The following MT1B variants were observed in gnomAD, a reference collection of about 807,000 sequenced individuals.
MT1B encodes metallothionein 1B.
Under a neutral mutation model 7.9 loss-of-function variants are expected in MT1B, and 4 were observed. The observed-to-expected ratio is 0.51, with a 90% CI of 0.25 to 1.16. The LOEUF is 1.16. Ranked by LOEUF, MT1B falls within the 50% of genes most tolerant of loss-of-function variation. The pLI is 0.15. For missense variants in MT1B, 76 were observed against 75.2 expected (o/e 1.01, Z -0.04); for synonymous variants, 22 against 27.6 (o/e 0.80, Z 0.63).
Position 56,651,949 on chromosome 16 carries a change from T to C in MT1B, c.-5T>C, listed in dbSNP as rs535551187. The C allele has an allele frequency of 1.5e-5, 25 of 1,614,202 alleles. No homozygotes were observed. In the South Asian group the frequency reaches 2.7e-4, roughly 18 times the overall value. On this transcript the variant is annotated 5_prime_UTR_variant, in exon 1 of 3. Transcript: ENST00000334346. Reference sequence around the variant, plus strand: ...CTAGGAACTCCAGGCTTGTCTTGGCTCCAAATGGATCCCAACTGCTCCTGC... The same window carrying C: ...CTAGGAACTCCAGGCTTGTCTTGGCCCCAAATGGATCCCAACTGCTCCTGC...
chr16:56,653,144 G>T lies in MT1B; in HGVS notation c.*79G>T. On this transcript the variant is annotated 3_prime_UTR_variant, in exon 3 of 3. Coordinates refer to ENST00000334346, the MANE Select transcript of MT1B (RefSeq NM_005947.3). ...ATTTTTTTTTTTAACTACCCTGACC[G>T]GTTTGCTACATTCTTTTTTCTATTC... 1.5e-6 allele frequency: 2 copies of T among 1,325,058 alleles called. No homozygotes were observed. The highest frequency in any genetic ancestry group is 2.1e-6 in the Non-Finnish European group (2 of 936,714). 82.1% of individuals were successfully genotyped at this position (1,325,058 alleles called of 1,614,324 possible). A position where few individuals can be genotyped will look rare whatever the true frequency, so the allele number is the denominator to read the frequency against.
Position 56,652,853 on chromosome 16 carries a change from G to A in MT1B, c.95-121G>A, listed in dbSNP as rs1006690949. The stretch of plus-strand genomic sequence containing the variant: ...TCAAATGTACCATCAGAACACAGCT[G>A]TGCCAGCCTAAAAATGCATCCTCTG... On this transcript the variant is annotated intron_variant, in intron 2 of 2. Coordinates refer to ENST00000334346, the MANE Select transcript of MT1B (RefSeq NM_005947.3). The A allele has an allele frequency of 8.7e-6, 11 of 1,261,038 alleles. No homozygotes were observed. In the South Asian group the frequency reaches 1.2e-4, roughly 14 times the overall value. The allele number at this position is 1,261,038 out of a possible 1,614,324, so 78.1% of individuals were successfully genotyped here.
intron 1 of MT1B, 138 bp downstream of exon 1, chr16:56,652,119 C>T: frequency 1.0e-6 from 1 of 973,034 alleles, no homozygotes; most frequent in Non-Finnish European, 1.6e-6. Context: ...TTCCTCTTGC[C>T]CAAGCTCCTG....
Position 56,651,941 on chromosome 16 carries a change from G to A in MT1B, c.-13G>A. ...TATCTTGCCTAGGAACTCCAGGCTTGTCTTGGCTCCAAATGGATCCCAACT... is the reference window on the plus strand; with the variant it reads ...TATCTTGCCTAGGAACTCCAGGCTTATCTTGGCTCCAAATGGATCCCAACT... On this transcript the variant is annotated 5_prime_UTR_variant, in exon 1 of 3. Coordinates refer to ENST00000334346, the MANE Select transcript of MT1B (RefSeq NM_005947.3). 6.2e-7 allele frequency: 1 copy of A among 1,614,232 alleles called. No individual in the cohort carries two copies. The highest frequency in any genetic ancestry group is 8.5e-7 in the Non-Finnish European group (1 of 1,180,032).
At chr16:56,652,505 C>A in intron 1 of MT1B, 66 bp from the exon 2 acceptor site, 1 of 1,476,632 alleles carries the variant, frequency 6.8e-7, no homozygotes, top group Non-Finnish European at 9.5e-7. Context: ...ACTGGACACT[C>A]ATGGACTCAC....
chr16:56,652,665 G>A (rs1295206422), intron 2 of MT1B, 29 bp downstream of exon 2: 11 of 1,613,168 alleles, frequency 6.8e-6, no homozygotes, highest in Middle Eastern at 1.6e-4. Flanking sequence ...CCAGGAATCT[G>A]GGGCTGTGGC....
Position 56,653,118 on chromosome 16 carries a change from G to A in MT1B, c.*53G>A, listed in dbSNP as rs1362154127. On this transcript the variant is annotated 3_prime_UTR_variant, in exon 3 of 3. Coordinates refer to ENST00000334346, the MANE Select transcript of MT1B (RefSeq NM_005947.3). ...AAATAGAGCAACCAGTACTAACCTG[G>A]ATTTTTTTTTTTAACTACCCTGACC... The A allele has an allele frequency of 6.4e-7, 1 of 1,567,996 alleles. No individual in the cohort carries two copies. The highest frequency in any genetic ancestry group is 1.8e-5 in the Admixed American group (1 of 55,386).
At position 56,651,919 on chromosome 16, in the gene MT1B, C is replaced by T; in HGVS notation, c.-35C>T. On this transcript the variant is annotated 5_prime_UTR_variant, in exon 1 of 3. Coordinates refer to ENST00000334346, the MANE Select transcript of MT1B (RefSeq NM_005947.3). ...TTCCTCCTGCCCTGACTTCTCATAT[C>T]TTGCCTAGGAACTCCAGGCTTGTCT... 6.2e-7 allele frequency: 1 copy of T among 1,613,906 alleles called. No individual in the cohort carries two copies.
Position 56,652,959 on chromosome 16 carries a change from C to A in MT1B, c.95-15C>A. On this transcript the variant is annotated splice_polypyrimidine_tract_variant and intron_variant, in intron 2 of 2. Transcript: ENST00000334346. Reference sequence around the variant, plus strand: ...CAAGTCAGCTGTGACCTCTCACTCTCCCCTTCTTCCCCAGGCTGCTGCTCT... The same window carrying A: ...CAAGTCAGCTGTGACCTCTCACTCTACCCTTCTTCCCCAGGCTGCTGCTCT... The A allele has an allele frequency of 6.2e-7, 1 of 1,612,482 alleles. No individual in the cohort carries two copies. The highest frequency in any genetic ancestry group is 8.5e-7 in the Non-Finnish European group (1 of 1,179,700).
chr16:56,652,166 T>C (rs1287973465), intron 1 of MT1B, among the ~76,000 whole-genome samples, 185 bp downstream of exon 1: 2 of 152,206 alleles, frequency 1.3e-5, no homozygotes, highest in Non-Finnish European at 2.9e-5. Flanking sequence ...AAGTCAGAGT[T>C]GGGGATTCTG....
At position 56,653,081 on chromosome 16, in the gene MT1B, G is replaced by A; in HGVS notation, c.*16G>A. Reference sequence around the variant, plus strand: ...CTGTGCCTGATGTTGGGAGAGCCCTGCTCCCAGACATAAATAGAGCAACCA... The same window carrying A: ...CTGTGCCTGATGTTGGGAGAGCCCTACTCCCAGACATAAATAGAGCAACCA... On this transcript the variant is annotated 3_prime_UTR_variant, in exon 3 of 3. Coordinates refer to ENST00000334346, the MANE Select transcript of MT1B (RefSeq NM_005947.3). 2 of 1,612,952 alleles carry A rather than the reference G, an allele frequency of 1.2e-6. No individual in the cohort carries two copies. The highest frequency in any genetic ancestry group is 1.7e-6 in the Non-Finnish European group (2 of 1,179,162).
At position 56,653,104 on chromosome 16, in the gene MT1B, C is replaced by G. The variant is rs776753472; in HGVS notation, c.*39C>G. ...CTGCTCCCAGACATAAATAGAGCAA[C>G]CAGTACTAACCTGGATTTTTTTTTT... On this transcript the variant is annotated 3_prime_UTR_variant, in exon 3 of 3. Coordinates refer to ENST00000334346, the MANE Select transcript of MT1B (RefSeq NM_005947.3). 3.1e-6 allele frequency: 5 copies of G among 1,594,470 alleles called. No homozygotes were observed. Among genetic ancestry groups the G allele is most frequent in the Non-Finnish European group, 4.3e-6 (5 of 1,169,422 alleles).
Position 56,653,197 on chromosome 16 carries a change from T to C in MT1B, c.*132T>C. On this transcript the variant is annotated 3_prime_UTR_variant, in exon 3 of 3. Coordinates refer to ENST00000334346, the MANE Select transcript of MT1B (RefSeq NM_005947.3). ...TATGTGAAAGACAATAAAACACTTT[T>C]GACTTGATTCTGACTCTCCTTTTCC... 1.2e-6 allele frequency: 1 copy of C among 805,010 alleles called. No individual in the cohort carries two copies. The highest frequency in any genetic ancestry group is 1.9e-6 in the Non-Finnish European group (1 of 516,954). The allele number at this position is 805,010 out of a possible 1,614,324, so 49.9% of individuals were successfully genotyped here.
At position 56,652,000 on chromosome 16, in the gene MT1B, T is replaced by A; in HGVS notation, c.28+19T>A. On this transcript the variant is annotated intron_variant, in intron 1 of 2. Coordinates refer to ENST00000334346, the MANE Select transcript of MT1B (RefSeq NM_005947.3). ...ACCACAGGTAAGGGACGCCTGGCTC[T>A]GGGCCTTGAGATGCCCATTCCCGGC... 6 of 1,614,212 alleles carry A rather than the reference T, an allele frequency of 3.7e-6. No homozygotes were observed. Among genetic ancestry groups the A allele is most frequent in the Non-Finnish European group, 5.1e-6 (6 of 1,180,022 alleles).
In MT1B at chr16:56,652,965, C is replaced by T; in HGVS notation, c.95-9C>T. On this transcript the variant is annotated splice_polypyrimidine_tract_variant and intron_variant, in intron 2 of 2. Coordinates refer to ENST00000334346, the MANE Select transcript of MT1B (RefSeq NM_005947.3). ...AGCTGTGACCTCTCACTCTCCCCTTCTTCCCCAGGCTGCTGCTCTTGCTGC... is the reference window on the plus strand; with the variant it reads ...AGCTGTGACCTCTCACTCTCCCCTTTTTCCCCAGGCTGCTGCTCTTGCTGC... 1.2e-6 allele frequency: 2 copies of T among 1,612,824 alleles called. No individual in the cohort carries two copies. Among genetic ancestry groups the T allele is most frequent in the African/African-American group, 2.7e-5 (2 of 75,010 alleles).
In MT1B at chr16:56,652,567, G is replaced by A. The variant is rs1438149393; in HGVS notation, c.29-4G>A. On this transcript the variant is annotated splice_region_variant and splice_polypyrimidine_tract_variant and intron_variant, in intron 1 of 2. Transcript: ENST00000334346. ...TGCCCACTGCCTTTTTCGCTTCCTTGCAGGTGGCTCCTGTGCCTGCGCCGG... is the reference window on the plus strand; with the variant it reads ...TGCCCACTGCCTTTTTCGCTTCCTTACAGGTGGCTCCTGTGCCTGCGCCGG... The A allele has an allele frequency of 6.2e-7, 1 of 1,613,642 alleles. No homozygotes were observed. The highest frequency in any genetic ancestry group is 2.2e-5 in the East Asian group (1 of 44,860).
rs777855677 is a variant in MT1B at position 56,651,966 on chromosome 16, T to A, written c.13T>A (p.Cys5Ser). The change falls in exon 1 of 3, where the codon TGC becomes AGC. Residue 5 changes from cysteine (C) to serine (S), a missense_variant. Transcript: ENST00000334346. MDPN[C>S]SCTTGGSCAC... ...GTCTTGGCTCCAAATGGATCCCAAC[T>A]GCTCCTGCACCACAGGTAAGGGACG... 3 of 1,614,250 alleles carry A rather than the reference T, an allele frequency of 1.9e-6. No homozygotes were observed. In the East Asian group the frequency reaches 6.7e-5, roughly 36 times the overall value.
rs1344668147 is a variant in MT1B, at chr16:56,651,988, G to T, written c.28+7G>T. 1 of 1,614,254 alleles carries T rather than the reference G, an allele frequency of 6.2e-7. No homozygotes were observed. The highest frequency in any genetic ancestry group is 1.1e-5 in the South Asian group (1 of 91,082). On this transcript the variant is annotated splice_region_variant and intron_variant, in intron 1 of 2. Coordinates refer to ENST00000334346, the MANE Select transcript of MT1B (RefSeq NM_005947.3). Reference sequence around the variant, plus strand: ...AACTGCTCCTGCACCACAGGTAAGGGACGCCTGGCTCTGGGCCTTGAGATG... The same window carrying T: ...AACTGCTCCTGCACCACAGGTAAGGTACGCCTGGCTCTGGGCCTTGAGATG...
Position 56,653,061 on chromosome 16 carries a change from C to T in MT1B, c.182C>T (p.Ala61Val), listed in dbSNP as rs375734082. Residue 61 changes from alanine to valine, a missense_variant, in exon 3 of 3, where the codon GCC becomes GTC. Transcript: ENST00000334346. ...KGSSEKCRCC[A>V] ...TCATCAGAGAAGTGCCGCTGCTGTG[C>T]CTGATGTTGGGAGAGCCCTGCTCCC... 2.5e-6 allele frequency: 4 copies of T among 1,613,842 alleles called. No individual in the cohort carries two copies. In the East Asian group the frequency reaches 8.9e-5, roughly 36 times the overall value.
Sources: allele counts gnomAD v4.1 joint callset (sites outside exome capture counted in the v4.1 genomes callset), GRCh38; gene constraint gnomAD v4.1.1; transcripts MANE v1.5; gene names NCBI Gene and HGNC (gene_info 2026-07-23, HGNC 2026-07-21).